CPE: variants seen among roughly 807,000 people sequenced by gnomAD.
CPE encodes carboxypeptidase E.
Under a neutral mutation model 53.5 loss-of-function variants are expected in CPE, and 17 were observed. The ratio of observed to expected loss-of-function variants is 0.32; its 90% CI spans 0.22 to 0.48. The LOEUF (loss-of-function observed/expected upper bound fraction) is 0.48, where lower values mean the gene tolerates loss of function less well. Among genes scored for constraint, CPE ranks in the 20% least tolerant of loss-of-function variants. CPE has a pLI of 0.99. For missense variants in CPE, 524 were observed against 614.7 expected (o/e 0.85, Z 1.56); for synonymous variants, 226 against 228.8 (o/e 0.99, Z 0.11).
intron 1 of CPE, among the ~76,000 whole-genome samples, chr4:165,385,589 G>C (rs189258704): frequency 6.6e-6 from 1 of 151,796 alleles, no homozygotes; most frequent in Non-Finnish European, 1.5e-5. Flanking sequence ...CTACAGATGT[G>C]AGCCACCACA....
At chr4:165,418,897 T>A (rs1207603136) in intron 1 of CPE, among the ~76,000 whole-genome samples, 1 of 152,142 alleles carries the variant, frequency 6.6e-6, no homozygotes, top group Non-Finnish European at 1.5e-5. Context: ...TCATTTGGAA[T>A]AGTATGAGAT....
At chr4:165,465,579 T>C (rs955358341) in intron 2 of CPE, among the ~76,000 whole-genome samples, 1 of 152,082 alleles carries the variant, frequency 6.6e-6, no homozygotes, top group Non-Finnish European at 1.5e-5. Context: ...ATCTATATCA[T>C]GTGATATAAT....
chr4:165,468,836 T>A (rs1212155819), intron 3 of CPE, among the ~76,000 whole-genome samples: 1 of 152,200 alleles, frequency 6.6e-6, no homozygotes, highest in Non-Finnish European at 1.5e-5. Flanking sequence ...TAAAAAACCT[T>A]AGCAGCTCTC....
intron 1 of CPE, among the ~76,000 whole-genome samples, chr4:165,461,818 A>T (rs1209598301): frequency 6.6e-6 from 1 of 152,190 alleles, no homozygotes; most frequent in Non-Finnish European, 1.5e-5. Context: ...CTCACAAGTC[A>T]TGTTAGTTGG....
At chr4:165,427,574 A>G (rs778979585) in intron 1 of CPE, among the ~76,000 whole-genome samples, 50 of 152,194 alleles carry the variant, frequency 3.3e-4, no homozygotes, top group Non-Finnish European at 4.4e-4. Flanking sequence ...TAATATGGGC[A>G]TTGGGTAAGA....
At chr4:165,429,629 G>A (rs1423467786) in intron 1 of CPE, among the ~76,000 whole-genome samples, 1 of 151,868 alleles carries the variant, frequency 6.6e-6, no homozygotes, top group Non-Finnish European at 1.5e-5. Context: ...TTGAGCCCAG[G>A]AAGTGGAGGA....
At chr4:165,401,845 G>A (rs1271604445) in intron 1 of CPE, among the ~76,000 whole-genome samples, 3 of 152,132 alleles carry the variant, frequency 2.0e-5, no homozygotes, top group Non-Finnish European at 4.4e-5. Flanking sequence ...ATGATTCTGT[G>A]GAAAGTGGTG....
rs1732432931 is a variant in CPE, at chr4:165,482,504, C to T, written c.790+145C>T. 6 of 611,262 alleles carry T rather than the reference C, an allele frequency of 9.8e-6. No homozygotes were observed. In the East Asian group the frequency reaches 1.6e-4, roughly 17 times the overall value. 37.9% of individuals were successfully genotyped at this position (611,262 alleles called of 1,614,324 possible). On this transcript the variant is annotated intron_variant, in intron 4 of 8. Coordinates refer to ENST00000402744, the MANE Select transcript of CPE (RefSeq NM_001873.4). ...AAAGAACTATGTTTAACAGGAAGCTCTCCTAATCATTTCATATGGTGTTGG... is the reference window on the plus strand; with the variant it reads ...AAAGAACTATGTTTAACAGGAAGCTTTCCTAATCATTTCATATGGTGTTGG...
At chr4:165,457,061 T>A (rs1287429484) in intron 1 of CPE, among the ~76,000 whole-genome samples, 1 of 152,132 alleles carries the variant, frequency 6.6e-6, no homozygotes, top group Non-Finnish European at 1.5e-5. Context: ...TATGTCTTAT[T>A]GTGTTTCAAA....
At chr4:165,434,059 C>G (rs1731455764) in intron 1 of CPE, among the ~76,000 whole-genome samples, 1 of 152,144 alleles carries the variant, frequency 6.6e-6, no homozygotes, top group South Asian at 2.1e-4. Context: ...GTTACCTTCT[C>G]AGGGAAACCT....
intron 1 of CPE, among the ~76,000 whole-genome samples, chr4:165,463,128 GC>G (rs1259220480): frequency 1.3e-5 from 2 of 152,104 alleles, no homozygotes; most frequent in Non-Finnish European, 2.9e-5. Context: ...TCACAAACAG[GC>G]AACAGTGACT....
intron 3 of CPE, among the ~76,000 whole-genome samples, chr4:165,479,883 G>A (rs1011851527): frequency 3.3e-5 from 5 of 151,644 alleles, no homozygotes; most frequent in African/African-American, 9.7e-5. Context: ...TCCCAGCTAC[G>A]CGGGAGGCGG....
At chr4:165,465,797 G>T (rs1412196375) in intron 2 of CPE, among the ~76,000 whole-genome samples, 2 of 152,158 alleles carry the variant, frequency 1.3e-5, no homozygotes, top group African/African-American at 4.8e-5. Flanking sequence ...TATAACGCAT[G>T]TTAAATTCAT....
chr4:165,416,571 C>G (rs747035416), intron 1 of CPE, among the ~76,000 whole-genome samples: 1 of 151,890 alleles, frequency 6.6e-6, no homozygotes, highest in Non-Finnish European at 1.5e-5. Flanking sequence ...CCAGAGGCCC[C>G]AAACTCTGCT....
At chr4:165,418,800 G>A (rs1553972708) in intron 1 of CPE, among the ~76,000 whole-genome samples, 1 of 151,904 alleles carries the variant, frequency 6.6e-6, no homozygotes, top group Non-Finnish European at 1.5e-5. Flanking sequence ...TTTTGGAATG[G>A]GATATAGAAA....
At chr4:165,398,070 A>G (rs546890441) in intron 1 of CPE, among the ~76,000 whole-genome samples, 131 of 151,270 alleles carry the variant, frequency 8.7e-4, no homozygotes, top group African/African-American at 3.0e-3. Context: ...AAAAAAAAAA[A>G]ACAAAACCCC....
chr4:165,494,634 G>C (rs1579286310), intron 7 of CPE, among the ~76,000 whole-genome samples: 1 of 152,298 alleles, frequency 6.6e-6, no homozygotes, highest in African/African-American at 2.4e-5. Context: ...ATCCTGATTG[G>C]ACTGGGTCCA....
intron 6 of CPE, among the ~76,000 whole-genome samples, chr4:165,488,236 A>G (rs1188669951): frequency 6.6e-6 from 1 of 152,202 alleles, no homozygotes; most frequent in Non-Finnish European, 1.5e-5. Context: ...AGAGACACAG[A>G]GAGGCTAGAC....
At chr4:165,496,470 T>C (rs1732707022) in intron 8 of CPE, among the ~76,000 whole-genome samples, 1 of 152,170 alleles carries the variant, frequency 6.6e-6, no homozygotes. Context: ...AAAATGGCCC[T>C]GGGAACAAGT....
Sources: allele counts gnomAD v4.1 joint callset (sites outside exome capture counted in the v4.1 genomes callset), GRCh38; gene constraint gnomAD v4.1.1; transcripts MANE v1.5; gene names NCBI Gene and HGNC (gene_info 2026-07-23, HGNC 2026-07-21).